The following NR1H3 variants were observed in gnomAD, a reference collection of about 807,000 sequenced individuals.
NR1H3 encodes the protein nuclear receptor subfamily 1 group H member 3.
NR1H3 carries 19 observed loss-of-function variants against 48.1 expected under a neutral mutation model. The ratio of observed to expected loss-of-function variants is 0.40; its 90% confidence interval spans 0.28 to 0.58. The LOEUF is 0.58. Among genes scored for constraint, NR1H3 ranks in the 20% least tolerant of loss-of-function variants. The pLI is 0.50. For synonymous variants in NR1H3, 232 were observed against 227.3 expected (o/e 1.02, Z -0.19); for missense variants, 486 against 595.9 (o/e 0.82, Z 1.92).
upstream of NR1H3, among the ~76,000 whole-genome samples, chr11:47,255,595 T>TTCTCTCTCTC (rs1183559034): frequency 9.8e-5 from 6 of 61,396 alleles, no homozygotes; most frequent in South Asian, 1.6e-3. Flanking sequence ...CTTTCTTTCT[T>TTCTCTCTCTC]TCTCTCTCTC....
intron 1 of NR1H3, 69 bp downstream of exon 1, chr11:47,258,198 T>C (rs1955405506): frequency 7.1e-6 from 7 of 985,492 alleles, no homozygotes; most frequent in Non-Finnish European, 8.4e-6. Flanking sequence ...GGGAATGTCC[T>C]AAGGATCTGA....
upstream of NR1H3, among the ~76,000 whole-genome samples, chr11:47,255,703 T>C (rs992869604): frequency 6.6e-6 from 1 of 150,916 alleles, no homozygotes; most frequent in Non-Finnish European, 1.5e-5. Context: ...GTTTTGCTGT[T>C]GTTGCCCGGG....
intron 7 of NR1H3, among the ~76,000 whole-genome samples, chr11:47,262,407 C>T (rs1955993418): frequency 6.6e-6 from 1 of 151,806 alleles, no homozygotes; most frequent in African/African-American, 2.4e-5. Flanking sequence ...CTATGTTGCC[C>T]AGGTTGGTCC....
At chr11:47,251,885 A>G (rs1326015347) in intron 1 of NR1H3, among the ~76,000 whole-genome samples, 3 of 152,092 alleles carry the variant, frequency 2.0e-5, no homozygotes, top group Non-Finnish European at 4.4e-5. Flanking sequence ...AGCAGATACT[A>G]TTTCAGTTTT....
chr11:47,261,186 C>CA, intron 4 of NR1H3, 55 bp from the exon 5 acceptor site: 3 of 1,391,712 alleles, frequency 2.2e-6, no homozygotes, highest in Non-Finnish European at 3.0e-6. Context: ...CCCCCACCCC[C>CA]TTGCCCCATC....
intron 7 of NR1H3, among the ~76,000 whole-genome samples, chr11:47,262,719 C>T (rs1956042051): frequency 6.6e-6 from 1 of 151,806 alleles, no homozygotes; most frequent in Admixed American, 6.6e-5. Context: ...CCATGTTGAC[C>T]AGGCTGGTCT....
chr11:47,267,636 G>A (rs962699652), intron 7 of NR1H3, among the ~76,000 whole-genome samples: 1 of 151,910 alleles, frequency 6.6e-6, no homozygotes, highest in African/African-American at 2.4e-5. Context: ...AGCCTCCCAA[G>A]TAGCTGGGAT....
chr11:47,267,975 C>G lies in NR1H3; in HGVS notation c.1051C>G (p.Leu351Val), dbSNP rs763373811. 4 of 1,613,998 alleles carry G rather than the reference C, an allele frequency of 2.5e-6. No homozygotes were observed. Among genetic ancestry groups the G allele is most frequent in the Non-Finnish European group, 3.4e-6 (4 of 1,180,030 alleles). ...CTCCAGGGCCATGAATGAGCTGCAA[C>G]TCAATGATGCCGAGTTTGCCTTGCT... ...EFSRAMNELQ[L>V]NDAEFALLIA... Residue 351 changes from leucine (L) to valine (V), a missense_variant, in exon 8 of 10, where the codon CTC becomes GTC. Leu to Val is a conservative substitution (Grantham distance 32). Coordinates refer to ENST00000441012, the MANE Select transcript of NR1H3 (RefSeq NM_005693.4).
At chr11:47,254,889 C>T (rs1359746527), upstream of NR1H3, among the ~76,000 whole-genome samples, 1 of 152,200 alleles carries the variant, frequency 6.6e-6, no homozygotes, top group Non-Finnish European at 1.5e-5. Context: ...TTCCTGTGTT[C>T]TCTTCCCTGG....
intron 7 of NR1H3, among the ~76,000 whole-genome samples, chr11:47,263,695 C>A (rs954324690): frequency 6.6e-6 from 1 of 151,434 alleles, no homozygotes. Flanking sequence ...TTCTGCCTCC[C>A]GGATTCAAAC....
intron 1 of NR1H3, among the ~76,000 whole-genome samples, chr11:47,251,898 T>C (rs946356210): frequency 1.3e-5 from 2 of 152,132 alleles, no homozygotes; most frequent in African/African-American, 4.8e-5. Context: ...TCAGTTTTTA[T>C]AGGGAGAAAC....
In NR1H3 at chr11:47,259,935, C is replaced by T; in HGVS notation, c.188C>T (p.Pro63Leu). ...TAGVGLEAAE[P>L]TALLTRAEPP... ...GGGGTGGGGCTGGAGGCTGCAGAGC[C>T]CACAGCCCTGCTCACCAGGGCAGAG... Residue 63 changes from proline to leucine, a missense_variant, in exon 3 of 10, where the codon CCC becomes CTC. Pro to Leu is a moderately conservative substitution (Grantham distance 98). Transcript: ENST00000441012. 6.3e-7 allele frequency: 1 copy of T among 1,596,138 alleles called. No homozygotes were observed. Among genetic ancestry groups the T allele is most frequent in the Non-Finnish European group, 8.5e-7 (1 of 1,171,614 alleles).
At chr11:47,261,799 G>A (rs575968633) in intron 6 of NR1H3, 73 bp downstream of exon 6, 40 of 1,606,336 alleles carry the variant, frequency 2.5e-5, no homozygotes, top group East Asian at 6.7e-5. Flanking sequence ...TCCAGACATC[G>A]AGCTGGGAGA....
rs1467049159 is a variant in NR1H3 at position 47,268,154 on chromosome 11, G to T, written c.1103-107G>T. On this transcript the variant is annotated intron_variant, in intron 8 of 9. Transcript: ENST00000441012. ...TGGAGGCATTTGCTGTGTTATTTTA[G>T]GATGAGAGAGCTTGGCTGGAGCATG... 3.2e-6 allele frequency: 4 copies of T among 1,244,756 alleles called. No homozygotes were observed. In the African/African-American group the frequency reaches 5.9e-5, roughly 18 times the overall value. 77.1% of individuals were successfully genotyped at this position (1,244,756 alleles called of 1,614,324 possible). A position where few individuals can be genotyped will look rare whatever the true frequency, so the allele number is the denominator to read the frequency against.
At chr11:47,258,214 G>A (rs74924988) in intron 1 of NR1H3, 85 bp downstream of exon 1, 102,944 of 985,018 alleles carry the variant, frequency 0.1, 5,723 homozygotes, top group South Asian at 0.11. Context: ...TCTGAGAAGG[G>A]GGTTTCTGGG....
At chr11:47,253,254 C>T (rs184869061), upstream of NR1H3, among the ~76,000 whole-genome samples, 1 of 152,204 alleles carries the variant, frequency 6.6e-6, no homozygotes, top group African/African-American at 2.4e-5. Context: ...CAAGTGTGAG[C>T]CACCACACCC....
In NR1H3 at chr11:47,259,888, C is replaced by G. The variant is rs1955645176; in HGVS notation, c.141C>G (p.Pro47=). The part of the protein sequence containing the change: ...SCILREEARM[P]HSAGGTAGVG... Reference sequence around the variant, plus strand: ...TCCTCAGAGAGGAAGCCAGGATGCCCCACTCTGCTGGGGGTACTGCAGGGG... The same window carrying G: ...TCCTCAGAGAGGAAGCCAGGATGCCGCACTCTGCTGGGGGTACTGCAGGGG... Residue 47 remains proline (P), a synonymous_variant, in exon 3 of 10, where the codon CCC becomes CCG. Transcript: ENST00000441012. 1.9e-6 allele frequency: 3 copies of G among 1,612,956 alleles called. No individual in the cohort carries two copies. The highest frequency in any genetic ancestry group is 4.5e-5 in the East Asian group (2 of 44,872).
At chr11:47,263,740 C>G (rs193158316) in intron 7 of NR1H3, among the ~76,000 whole-genome samples, 1 of 151,890 alleles carries the variant, frequency 6.6e-6, no homozygotes, top group East Asian at 1.9e-4. Flanking sequence ...GTAGCTGGGA[C>G]TACAGGCGCG....
chr11:47,259,738 G>C (rs753648569), intron 2 of NR1H3, 53 bp from the exon 3 acceptor site: 17 of 1,607,740 alleles, frequency 1.1e-5, no homozygotes, highest in Non-Finnish European at 1.3e-5. Flanking sequence ...ACGCTGGGCC[G>C]TGGAGCCGGG....
Sources: gnomAD v4.1 joint callset for allele counts (sites outside exome capture counted in the v4.1 genomes callset) on GRCh38, gnomAD v4.1.1 for gene constraint, MANE v1.5 for transcripts, NCBI Gene and HGNC (gene_info 2026-07-23, HGNC 2026-07-21) for gene names.